Variants in SLC15A5 observed in about 807,000 individuals in gnomAD.
The protein encoded by SLC15A5 is solute carrier family 15 member 5.
Under a neutral mutation model 56.1 loss-of-function variants are expected in SLC15A5, and 58 were observed. The ratio of observed to expected loss-of-function variants is 1.03; its 90% CI spans 0.84 to 1.29. The LOEUF (loss-of-function observed/expected upper bound fraction) is 1.29, where lower values mean the gene tolerates loss of function less well. Among genes scored for constraint, SLC15A5 ranks in the 50% most tolerant of loss-of-function variants. SLC15A5 has a pLI of 0.00. For synonymous variants in SLC15A5, 264 were observed against 250.5 expected (o/e 1.05, Z -0.51); for missense variants, 681 against 672.1 (o/e 1.01, Z -0.15).
In SLC15A5 at chr12:16,217,283, T is replaced by A. The variant is rs188992956; in HGVS notation, c.1352-259A>T. On this transcript the variant is annotated intron_variant, in intron 6 of 8. Transcript: ENST00000344941. ...ATTACTTAGTAGTTGAGTGTCCTGA[T>A]GTATTCACCCTAATTTCACTCCAAA... Among the ~76,000 whole-genome samples, 312 of 152,322 alleles carry A rather than the reference T, an allele frequency of 2.0e-3. 2 individuals are homozygous for A. The highest frequency in any genetic ancestry group is 7.2e-3 in the African/African-American group (300 of 41,582).
Position 16,243,974 on chromosome 12 carries a change from AAGTT to A in SLC15A5, c.975+602_975+605del, listed in dbSNP as rs1303953663. Among the ~76,000 whole-genome samples the A allele has an allele frequency of 1.3e-5, 2 of 152,228 alleles. No individual in the cohort carries two copies. Among genetic ancestry groups the A allele is most frequent in the East Asian group, 3.8e-4 (2 of 5,202 alleles). ...TAATCATTTATTTTTCTCAGTAAAT[AAGTT>A]AGTCTTTAACTCTAACCACATTAAA... On this transcript the variant is annotated intron_variant, in intron 4 of 8. Transcript: ENST00000344941. The surrounding 1 kb of genome is among the most constrained non-coding windows in gnomAD (Gnocchi z 4.4).
chr12:16,194,426 T>C lies in SLC15A5; in HGVS notation c.1511A>G (p.Lys504Arg). Residue 504 changes from lysine to arginine, a missense_variant, in exon 8 of 9, where the codon AAA becomes AGA. Lys to Arg is a conservative substitution (Grantham distance 26). Coordinates refer to ENST00000344941, the MANE Select transcript of SLC15A5 (RefSeq NM_001170798.1). ...DGNWFPNTLNKGNLESFFFFL... is the reference protein window; with the variant it reads ...DGNWFPNTLNRGNLESFFFFL... ...GAAGAAGAAGCTTTCTAAATTGCCT[T>C]TGTTTAATGTGTTTGGAAACCAATT... is the stretch of plus-strand genomic sequence containing the variant. 6.5e-7 allele frequency: 1 copy of C among 1,535,098 alleles called. No homozygotes were observed. Among genetic ancestry groups the C allele is most frequent in the Non-Finnish European group, 8.7e-7 (1 of 1,145,384 alleles).
At chr12:16,211,544 C>T (rs1223910386) in intron 7 of SLC15A5, among the ~76,000 whole-genome samples, 2 of 152,118 alleles carry the variant, frequency 1.3e-5, no homozygotes, top group Non-Finnish European at 2.9e-5. Flanking sequence ...CAATCGCCTG[C>T]ATGTCCATAA....
intron 2 of SLC15A5, among the ~76,000 whole-genome samples, chr12:16,258,995 T>C (rs1026057704): frequency 5.6e-5 from 8 of 143,980 alleles, no homozygotes; most frequent in African/African-American, 2.1e-4. Context: ...TTTTTCTTTT[T>C]TTTTTTTTCT....
At chr12:16,277,285 A>G (rs1489202784) in intron 1 of SLC15A5, 40 bp downstream of exon 1, 1 of 1,434,436 alleles carries the variant, frequency 7.0e-7, no homozygotes, top group African/African-American at 1.4e-5. Flanking sequence ...AATCTACTTA[A>G]TTAAGTCACA....
At chr12:16,193,575 A>C (rs1199047432) in intron 8 of SLC15A5, among the ~76,000 whole-genome samples, 1 of 151,980 alleles carries the variant, frequency 6.6e-6, no homozygotes, top group Non-Finnish European at 1.5e-5. Flanking sequence ...TAAATGACTA[A>C]AGAGATAAAT....
chr12:16,268,607 C>G (rs1349671280), intron 2 of SLC15A5, among the ~76,000 whole-genome samples: 2 of 152,048 alleles, frequency 1.3e-5, no homozygotes, highest in Non-Finnish European at 2.9e-5. Context: ...TTTTCTCTCT[C>G]TTTTCAGAAT....
At chr12:16,201,661 C>T (rs374963779) in intron 7 of SLC15A5, among the ~76,000 whole-genome samples, 16 of 152,226 alleles carry the variant, frequency 1.1e-4, no homozygotes, top group African/African-American at 3.6e-4. Context: ...GCTCTTCCCC[C>T]TTCACTCAGT....
chr12:16,196,770 A>G lies in SLC15A5; in HGVS notation c.1484-2317T>C, dbSNP rs1863898193. Among the ~76,000 whole-genome samples the G allele has an allele frequency of 6.6e-6, 1 of 152,146 alleles. No homozygotes were observed. Among genetic ancestry groups the G allele is most frequent in the Non-Finnish European group, 1.5e-5 (1 of 68,026 alleles). On this transcript the variant is annotated intron_variant, in intron 7 of 8. Coordinates refer to ENST00000344941, the MANE Select transcript of SLC15A5 (RefSeq NM_001170798.1). This position sits in a 1 kb window ranked among gnomAD's most constrained non-coding sequence, Gnocchi z 4.0. ...TCCATAATAAGTAATTGAAAAGACT[A>G]TATTATAAGAGAGTCAGATGAGGAA...
At chr12:16,239,970 A>G in intron 4 of SLC15A5, 103 bp from the exon 5 acceptor site, 1 of 1,030,702 alleles carries the variant, frequency 9.7e-7, no homozygotes, top group Non-Finnish European at 1.4e-6. Flanking sequence ...TCTGTGATGG[A>G]TGAGCTGGAT....
intron 3 of SLC15A5, among the ~76,000 whole-genome samples, chr12:16,256,988 C>T (rs1864582608): frequency 2.0e-5 from 3 of 151,780 alleles, no homozygotes. Flanking sequence ...AATGTTTAAA[C>T]CTTTTTTGGA....
At chr12:16,206,509 A>T (rs1864021370) in intron 7 of SLC15A5, among the ~76,000 whole-genome samples, 1 of 152,132 alleles carries the variant, frequency 6.6e-6, no homozygotes, top group Non-Finnish European at 1.5e-5. Flanking sequence ...TCTAACTTTG[A>T]CTTTTCTACC....
intron 3 of SLC15A5, among the ~76,000 whole-genome samples, chr12:16,245,951 TTTC>T (rs1377158432): frequency 6.6e-6 from 1 of 152,214 alleles, no homozygotes; most frequent in Non-Finnish European, 1.5e-5. Context: ...GATCTGGTCT[TTTC>T]TTCAAGAGTT....
chr12:16,259,755 C>T (rs186444098), intron 2 of SLC15A5, among the ~76,000 whole-genome samples: 1 of 152,212 alleles, frequency 6.6e-6, no homozygotes, highest in East Asian at 1.9e-4. Context: ...GAGAGTATGA[C>T]AAAGTAAGCT....
chr12:16,198,189 T>C (rs1863914681), intron 7 of SLC15A5, among the ~76,000 whole-genome samples: 1 of 152,200 alleles, frequency 6.6e-6, no homozygotes, highest in African/African-American at 2.4e-5. Flanking sequence ...TTGTTCAGAA[T>C]TCCTCCAAAT....
chr12:16,244,489 C>A, intron 4 of SLC15A5, 91 bp downstream of exon 4: 1 of 1,165,388 alleles, frequency 8.6e-7, no homozygotes, highest in Non-Finnish European at 1.2e-6. Flanking sequence ...ATATGGAAAG[C>A]GCTCGTTGGG....
At chr12:16,250,774 T>C (rs1864511799) in intron 3 of SLC15A5, among the ~76,000 whole-genome samples, 1 of 151,940 alleles carries the variant, frequency 6.6e-6, no homozygotes, top group Admixed American at 6.6e-5. Flanking sequence ...ATAAAATGAA[T>C]ACTAAAAGAA....
At chr12:16,204,504 A>T (rs534182722) in intron 7 of SLC15A5, among the ~76,000 whole-genome samples, 30 of 110,392 alleles carry the variant, frequency 2.7e-4, no homozygotes, top group Admixed American at 2.6e-3. Context: ...GCCATGGAGA[A>T]TATGGTTTTC....
chr12:16,269,091 C>A lies in SLC15A5; in HGVS notation c.584+3470G>T, dbSNP rs546591643. ...AGAGAACCCTCACCAGAACCCTGAT[C>A]TCAGAATTCTGGCCTCCAGAGCTGT... On this transcript the variant is annotated intron_variant, in intron 2 of 8. Coordinates refer to ENST00000344941, the MANE Select transcript of SLC15A5 (RefSeq NM_001170798.1). This position sits in a 1 kb window ranked among gnomAD's most constrained non-coding sequence, Gnocchi z 4.7. Among the ~76,000 whole-genome samples the A allele has an allele frequency of 2.6e-5, 4 of 152,136 alleles. No homozygotes were observed. The South Asian group carries it at 8.3e-4, about 32-fold the overall frequency.
Sources: allele counts gnomAD v4.1 joint callset (sites outside exome capture counted in the v4.1 genomes callset), GRCh38; gene constraint gnomAD v4.1.1; non-coding constraint Gnocchi (gnomAD v3.1); transcripts MANE v1.5; gene names NCBI Gene and HGNC (gene_info 2026-07-23, HGNC 2026-07-21).